The following LURAP1 variants were observed in gnomAD, a reference collection of about 807,000 sequenced individuals.
LURAP1 encodes the protein NF-kappa-B activator C1orf190.
Under a neutral mutation model 19.0 loss-of-function variants are expected in LURAP1, and 14 were observed. That is an observed-to-expected ratio of 0.74 (90% CI 0.49 to 1.15). LURAP1 has a LOEUF of 1.15. Among genes scored for constraint, LURAP1 ranks in the 50% most tolerant of loss-of-function variants. The pLI is 0.00. For synonymous variants in LURAP1, 129 were observed against 131.8 expected, an observed-to-expected ratio of 0.98 and a Z score of 0.14; for missense variants, 273 against 309.1, an observed-to-expected ratio of 0.88 and a Z score of 0.87.
intron 1 of LURAP1, among the ~76,000 whole-genome samples, chr1:46,218,658 T>G (rs1402574917): frequency 6.6e-6 from 1 of 152,138 alleles, no homozygotes; most frequent in Non-Finnish European, 1.5e-5. Flanking sequence ...GAGAGACAGG[T>G]TCAGACTTGT....
intron 1 of LURAP1, among the ~76,000 whole-genome samples, chr1:46,212,100 T>C (rs1039812883): frequency 6.6e-6 from 1 of 152,170 alleles, no homozygotes; most frequent in African/African-American, 2.4e-5. Context: ...TACTCTGGTT[T>C]ATCATAGATG....
intron 1 of LURAP1, among the ~76,000 whole-genome samples, chr1:46,215,161 G>T (rs1659026090): frequency 6.7e-6 from 1 of 149,918 alleles, no homozygotes; most frequent in South Asian, 2.1e-4. Flanking sequence ...GGGAGGTGGA[G>T]CTTGCAGTAA....
Position 46,218,994 on chromosome 1 carries a change from G to A in LURAP1, c.199-705G>A, listed in dbSNP as rs935008520. Among the ~76,000 whole-genome samples, 17 of 152,060 alleles carry A rather than the reference G, an allele frequency of 1.1e-4. 1 individual carries two copies. The highest frequency in any genetic ancestry group is 4.1e-4 in the African/African-American group (17 of 41,392). On this transcript the variant is annotated intron_variant, in intron 1 of 1. Coordinates refer to ENST00000371980, the MANE Select transcript of LURAP1 (RefSeq NM_001013615.3). ...ATGTCTTTCTGGTGAATATGGGCAGGCTCAATAGTCAGTACCCTGTGGCTG... is the reference window on the plus strand; with the variant it reads ...ATGTCTTTCTGGTGAATATGGGCAGACTCAATAGTCAGTACCCTGTGGCTG...
rs57919535 is a variant in LURAP1 at position 46,211,439 on chromosome 1, GCACACA to G, written c.198+7852_198+7857del. 8.4e-3 allele frequency among the ~76,000 whole-genome samples: 661 copies of G among 79,040 alleles called. 9 individuals are homozygous for G. The highest frequency in any genetic ancestry group is 0.02 in the African/African-American group (577 of 28,852). 51.9% of individuals were successfully genotyped at this position (79,040 alleles called of 152,430 possible). ...TGAGCCAAAAACTGGATGAAAACCTGCACACACACACACACACACACACACACACAC... is the reference window on the plus strand; with the variant it reads ...TGAGCCAAAAACTGGATGAAAACCTGCACACACACACACACACACACACAC... On this transcript the variant is annotated intron_variant, in intron 1 of 1. Coordinates refer to ENST00000371980, the MANE Select transcript of LURAP1 (RefSeq NM_001013615.3).
intron 1 of LURAP1, among the ~76,000 whole-genome samples, chr1:46,204,574 G>A (rs1217716054): frequency 6.6e-6 from 1 of 152,200 alleles, no homozygotes; most frequent in East Asian, 1.9e-4. Flanking sequence ...CTGTGAAGGA[G>A]AAGGGGAAGG....
Position 46,203,386 on chromosome 1 carries a change from C to A in LURAP1, c.-41C>A. 2 of 1,434,592 alleles carry A rather than the reference C, an allele frequency of 1.4e-6. No homozygotes were observed. Among genetic ancestry groups the A allele is most frequent in the East Asian group, 5.4e-5 (2 of 36,704 alleles). 88.9% of individuals were successfully genotyped at this position (1,434,592 alleles called of 1,614,324 possible). A position where few individuals can be genotyped will look rare whatever the true frequency, so the allele number is the denominator to read the frequency against. On this transcript the variant is annotated 5_prime_UTR_variant, in exon 1 of 2. Transcript: ENST00000371980. ...AGGGAGGACCCCCGGGAGCCGGTCC[C>A]CGGCGTCCGGTCGCCCAGCCCTTTT...
intron 1 of LURAP1, among the ~76,000 whole-genome samples, chr1:46,211,722 A>T (rs1318292803): frequency 6.6e-6 from 1 of 152,168 alleles, no homozygotes; most frequent in Non-Finnish European, 1.5e-5. Context: ...ACTCAAATCT[A>T]GGTCCATTTA....
chr1:46,213,014 C>T (rs1205519486), intron 1 of LURAP1, among the ~76,000 whole-genome samples: 3 of 152,056 alleles, frequency 2.0e-5, no homozygotes, highest in Non-Finnish European at 4.4e-5. Context: ...GATCTGTCCT[C>T]CTCAGCTTCC....
chr1:46,203,838 C>T (rs1658626967), intron 1 of LURAP1, among the ~76,000 whole-genome samples: 1 of 152,048 alleles, frequency 6.6e-6, no homozygotes, highest in Non-Finnish European at 1.5e-5. Flanking sequence ...GTTGATGGTC[C>T]TGAGGACTTG....
chr1:46,215,691 G>C (rs1250794928), intron 1 of LURAP1, among the ~76,000 whole-genome samples: 1 of 152,306 alleles, frequency 6.6e-6, no homozygotes, highest in Admixed American at 6.5e-5. Flanking sequence ...TTGAGCTCAG[G>C]AGTTTGAGAC....
intron 1 of LURAP1, among the ~76,000 whole-genome samples, chr1:46,207,001 C>T (rs1658737352): frequency 6.6e-6 from 1 of 152,082 alleles, no homozygotes; most frequent in South Asian, 2.1e-4. Flanking sequence ...TCTAGAAAGT[C>T]GATTTCAAAT....
intron 1 of LURAP1, among the ~76,000 whole-genome samples, chr1:46,209,700 G>A (rs565029066): frequency 1.3e-5 from 2 of 151,836 alleles, no homozygotes; most frequent in African/African-American, 2.4e-5. Context: ...TAGTAGAGAC[G>A]GGGTTTTGCC....
intron 1 of LURAP1, among the ~76,000 whole-genome samples, chr1:46,214,756 C>T (rs986728497): frequency 6.7e-6 from 1 of 149,218 alleles, no homozygotes; most frequent in Non-Finnish European, 1.5e-5. Context: ...ATTCCAGTTA[C>T]TTGGGAGCCT....
chr1:46,216,954 T>G (rs1478129102), intron 1 of LURAP1, among the ~76,000 whole-genome samples: 1 of 152,220 alleles, frequency 6.6e-6, no homozygotes, highest in African/African-American at 2.4e-5. Context: ...TACATGTTGC[T>G]GCAAAGGACA....
At chr1:46,208,993 C>G (rs984614286) in intron 1 of LURAP1, among the ~76,000 whole-genome samples, 9 of 152,126 alleles carry the variant, frequency 5.9e-5, no homozygotes, top group African/African-American at 2.2e-4. Context: ...TGCTCAGTCC[C>G]GAGCCAGCAG....
chr1:46,220,011 T>C lies in LURAP1; in HGVS notation c.511T>C (p.Trp171Arg). The C allele has an allele frequency of 6.2e-7, 1 of 1,614,176 alleles. No individual in the cohort carries two copies. Among genetic ancestry groups the C allele is most frequent in the Non-Finnish European group, 8.5e-7 (1 of 1,180,030 alleles). Reference sequence around the variant, plus strand: ...TGGGGCTCCACGTTCCGAGATGGACTGGGCAAAAGTTATAGCTGGTGGAGA... The same window carrying C: ...TGGGGCTCCACGTTCCGAGATGGACCGGGCAAAAGTTATAGCTGGTGGAGA... ...PPGAPRSEMD[W>R]AKVIAGGERA... The change falls in exon 2 of 2, where the codon TGG (tryptophan) becomes CGG (arginine). Residue 171 changes from tryptophan (W) to arginine (R), a missense_variant. Trp to Arg is a moderately radical substitution (Grantham distance 101, BLOSUM62 -3). Coordinates refer to ENST00000371980, the MANE Select transcript of LURAP1 (RefSeq NM_001013615.3).
At chr1:46,204,506 C>T (rs758181391) in intron 1 of LURAP1, among the ~76,000 whole-genome samples, 29 of 151,516 alleles carry the variant, frequency 1.9e-4, no homozygotes, top group Admixed American at 6.6e-5. Context: ...CAACCAGGAG[C>T]CCACAGTGAG....
intron 1 of LURAP1, among the ~76,000 whole-genome samples, chr1:46,209,610 T>C (rs1488620737): frequency 6.8e-6 from 1 of 147,176 alleles, no homozygotes; most frequent in Non-Finnish European, 1.5e-5. Context: ...AGTGGCCCAA[T>C]CTCAGCTCAC....
chr1:46,204,498 A>G (rs764450456), intron 1 of LURAP1, among the ~76,000 whole-genome samples: 162 of 152,206 alleles, frequency 1.1e-3, no homozygotes, highest in South Asian at 2.3e-3. Context: ...CTGGCTCACA[A>G]CCAGGAGCCC....
Sources: allele counts gnomAD v4.1 joint callset (sites outside exome capture counted in the v4.1 genomes callset), GRCh38; gene constraint gnomAD v4.1.1; transcripts MANE v1.5; gene names NCBI Gene and HGNC (gene_info 2026-07-23, HGNC 2026-07-21).